RASSF3: variants seen among roughly 807,000 people sequenced by gnomAD.
RASSF3 encodes the protein ras association domain-containing protein 3.
Under a neutral mutation model 19.9 loss-of-function variants are expected in RASSF3, and 19 were observed. The ratio of observed to expected loss-of-function variants is 0.96; its 90% CI spans 0.67 to 1.40. The LOEUF is 1.40. RASSF3 is among the 40% of genes most tolerant of loss of function. RASSF3 has a pLI of 0.00. For missense variants in RASSF3, 306 were observed against 289.8 expected (o/e 1.06, Z -0.41); for synonymous variants, 110 against 104.2 (o/e 1.06, Z -0.34).
At chr12:64,681,209 T>G (rs1011473421) in intron 1 of RASSF3, among the ~76,000 whole-genome samples, 6 of 152,226 alleles carry the variant, frequency 3.9e-5, no homozygotes, top group African/African-American at 7.2e-5. Context: ...CCCTAGGATG[T>G]ATGTATGCTG....
chr12:64,531,937 T>C (rs1452284679), upstream of RASSF3, among the ~76,000 whole-genome samples: 1 of 152,230 alleles, frequency 6.6e-6, no homozygotes, highest in African/African-American at 2.4e-5. Flanking sequence ...CTACGTGATC[T>C]GGCTTTGGTG....
chr12:64,534,936 A>G (rs565355530), intron 1 of RASSF3, among the ~76,000 whole-genome samples: 1 of 152,216 alleles, frequency 6.6e-6, no homozygotes, highest in Non-Finnish European at 1.5e-5. Flanking sequence ...GTAGTAAGGC[A>G]TAGCATTACC....
intron 1 of RASSF3, among the ~76,000 whole-genome samples, chr12:64,659,880 G>A (rs1364525928): frequency 6.6e-6 from 1 of 151,960 alleles, no homozygotes; most frequent in African/African-American, 2.4e-5. Context: ...CCTGGGAAGC[G>A]GAGGTTGCAG....
chr12:64,551,582 A>T (rs1400916151), intron 2 of RASSF3, among the ~76,000 whole-genome samples: 1 of 152,150 alleles, frequency 6.6e-6, no homozygotes, highest in Non-Finnish European at 1.5e-5. Context: ...TCTCAAAAAT[A>T]ATATGCATGT....
chr12:64,617,276 T>C (rs1415977531), intron 1 of RASSF3, among the ~76,000 whole-genome samples: 4 of 152,206 alleles, frequency 2.6e-5, no homozygotes, highest in Non-Finnish European at 4.4e-5. Flanking sequence ...TTTCCCCTTG[T>C]TTTAAGAAAA....
At chr12:64,675,316 T>C (rs1252186142) in intron 1 of RASSF3, among the ~76,000 whole-genome samples, 1 of 152,160 alleles carries the variant, frequency 6.6e-6, no homozygotes, top group Non-Finnish European at 1.5e-5. Context: ...TATTTTTTAA[T>C]TTTTTAAATT....
chr12:64,688,707 T>G (rs1447019473), intron 3 of RASSF3, among the ~76,000 whole-genome samples: 5 of 151,990 alleles, frequency 3.3e-5, no homozygotes, highest in East Asian at 3.9e-4. Flanking sequence ...TTTTGTGGTG[T>G]TGGTGGGGGG....
intron 1 of RASSF3, among the ~76,000 whole-genome samples, chr12:64,649,484 G>A (rs995511202): frequency 2.6e-5 from 4 of 152,144 alleles, no homozygotes; most frequent in Non-Finnish European, 4.4e-5. Flanking sequence ...GAGCCACTGC[G>A]CCTGGCCAGC....
intron 4 of RASSF3, among the ~76,000 whole-genome samples, chr12:64,692,343 T>C (rs1868298375): frequency 6.6e-6 from 1 of 152,300 alleles, no homozygotes; most frequent in Middle Eastern, 3.4e-3. Flanking sequence ...GTTTGTTAGA[T>C]TAGTAGCATG....
At chr12:64,676,546 A>G (rs1333918046) in intron 1 of RASSF3, among the ~76,000 whole-genome samples, 3 of 136,758 alleles carry the variant, frequency 2.2e-5, no homozygotes, top group Non-Finnish European at 4.5e-5. Context: ...ATTTTGGCTC[A>G]CTGCAACCTC....
Position 64,629,984 on chromosome 12 carries a change from GA to G in RASSF3, c.111+19248del, listed in dbSNP as rs1000344766. The G allele has an allele frequency of 3.7e-5, 5 of 135,978 alleles. No homozygotes were observed. In the East Asian group the frequency reaches 6.1e-4, roughly 17 times the overall value. The allele number at this position is 135,978 out of a possible 1,614,324, so 8.4% of individuals were successfully genotyped here. On this transcript the variant is annotated intron_variant, in intron 1 of 4. Coordinates refer to ENST00000542104, the MANE Select transcript of RASSF3 (RefSeq NM_178169.4). ...CTCAAAAAAAAAAAAAAAAGAAAAA[GA>G]AAAAAAGAACAAGAAAGAAAAATGG...
intron 2 of RASSF3, among the ~76,000 whole-genome samples, chr12:64,581,464 C>G (rs1869695270): frequency 6.6e-6 from 1 of 152,134 alleles, no homozygotes; most frequent in African/African-American, 2.4e-5. Context: ...AAGCCCAGCC[C>G]TTTGGGAGGC....
intron 1 of RASSF3, among the ~76,000 whole-genome samples, chr12:64,520,494 T>G (rs1024467094): frequency 2.0e-5 from 3 of 148,276 alleles, no homozygotes; most frequent in Admixed American, 6.8e-5. Flanking sequence ...ATATACATAT[T>G]TGTGTGTGTG....
intron 1 of RASSF3, chr12:64,515,670 A>G (rs1309894435): frequency 1.3e-5 from 2 of 152,074 alleles, no homozygotes; most frequent in African/African-American, 4.8e-5. Flanking sequence ...AGTGCTTTGG[A>G]GTGGGCTTTT....
intron 1 of RASSF3, among the ~76,000 whole-genome samples, chr12:64,625,949 C>G (rs1259699505): frequency 6.6e-6 from 1 of 152,142 alleles, no homozygotes; most frequent in Non-Finnish European, 1.5e-5. Flanking sequence ...CGGTGGGAAA[C>G]CTCTTCCTAG....
chr12:64,637,385 G>A (rs965483820), intron 1 of RASSF3, among the ~76,000 whole-genome samples: 1 of 150,776 alleles, frequency 6.6e-6, no homozygotes, highest in Admixed American at 6.6e-5. Context: ...TCTAGGGATT[G>A]TCTCCAGAGA....
At chr12:64,509,403 TG>T (rs1369428738) in intron 1 of RASSF3, among the ~76,000 whole-genome samples, 1 of 152,140 alleles carries the variant, frequency 6.6e-6, no homozygotes, top group African/African-American at 2.4e-5. Context: ...TGAGCTAAGA[TG>T]GAACCACTGC....
At chr12:64,551,621 C>T (rs7963406) in intron 2 of RASSF3, among the ~76,000 whole-genome samples, 2 of 152,156 alleles carry the variant, frequency 1.3e-5, no homozygotes, top group Non-Finnish European at 2.9e-5. Flanking sequence ...TACTACTTAG[C>T]ATTGCTGTGG....
chr12:64,535,074 C>T lies in RASSF3; in HGVS notation c.67+1740C>T, dbSNP rs144072292. 2.7e-4 allele frequency among the ~76,000 whole-genome samples: 37 copies of T among 134,762 alleles called. No homozygotes were observed. In the East Asian group the frequency reaches 4.4e-3, roughly 16 times the overall value. The allele number at this position is 134,762 out of a possible 152,430, so 88.4% of individuals were successfully genotyped here. ...ATAAAATGTATGTTCATTTCAGAGA[C>T]GTTTATATGAAAAAAAAAAGGAAAG... On this transcript the variant is annotated intron_variant, in intron 1 of 1. Coordinates refer to the RASSF3 transcript ENST00000636333.
Sources: allele counts gnomAD v4.1 joint callset (sites outside exome capture counted in the v4.1 genomes callset), GRCh38; gene constraint gnomAD v4.1.1; transcripts MANE v1.5; gene names NCBI Gene and HGNC (gene_info 2026-07-23, HGNC 2026-07-21).